PRP4K: variants seen among roughly 807,000 people sequenced by gnomAD.
PRP4K encodes the protein pre-mRNA processing factor kinase PRP4K.
At chr6:4,049,787 G>A in the PRP4K span, 1 of 1,613,722 alleles carries the variant, frequency 6.2e-7, no homozygotes, top group Non-Finnish European at 8.5e-7. Flanking sequence ...GCTACACTGG[G>A]CAAGGTGTAT....
the PRP4K span, among the ~76,000 whole-genome samples, chr6:4,033,479 T>G: frequency 6.6e-6 from 1 of 152,196 alleles, no homozygotes; most frequent in East Asian, 1.9e-4. Context: ...ATGTATATAA[T>G]TTACGTAGGA....
the PRP4K span, chr6:4,047,129 A>G: frequency 6.6e-7 from 1 of 1,517,422 alleles, no homozygotes; most frequent in Non-Finnish European, 9.1e-7. Flanking sequence ...TTTGTGTTTT[A>G]AATCATCTCT....
At chr6:4,045,672 T>C in the PRP4K span, among the ~76,000 whole-genome samples, 3 of 152,240 alleles carry the variant, frequency 2.0e-5, no homozygotes, top group Non-Finnish European at 2.9e-5. Context: ...AGATAGGTTA[T>C]CTTGAAACTT....
the PRP4K span, among the ~76,000 whole-genome samples, chr6:4,027,933 C>A: frequency 6.6e-6 from 1 of 152,112 alleles, no homozygotes; most frequent in Non-Finnish European, 1.5e-5. Flanking sequence ...AGATTTTATA[C>A]GCCTAAAGAT....
chr6:4,021,562 G>C, the PRP4K span: 1 of 1,511,698 alleles, frequency 6.6e-7, no homozygotes, highest in Non-Finnish European at 9.0e-7. Flanking sequence ...CTAACGGCGA[G>C]AGTCAAACTT....
chr6:4,037,560 C>G, the PRP4K span: 4 of 1,613,180 alleles, frequency 2.5e-6, no homozygotes, highest in Admixed American at 6.7e-5. Context: ...AAGCAGATCT[C>G]CTCGGAGAAG....
At chr6:4,038,458 T>C in the PRP4K span, among the ~76,000 whole-genome samples, 1 of 151,834 alleles carries the variant, frequency 6.6e-6, no homozygotes, top group Non-Finnish European at 1.5e-5. Context: ...GCTTTTTTTT[T>C]TTTGTATTTT....
the PRP4K span, chr6:4,021,454 G>T: frequency 6.3e-7 from 1 of 1,585,024 alleles, no homozygotes; most frequent in South Asian, 1.2e-5. Flanking sequence ...CAGTCGCTAC[G>T]GGAGCAGCCA....
At chr6:4,044,825 C>T in the PRP4K span, among the ~76,000 whole-genome samples, 1 of 151,048 alleles carries the variant, frequency 6.6e-6, no homozygotes, top group Non-Finnish European at 1.5e-5. Context: ...GAGGGCAGAA[C>T]CTGCCACAGA....
the PRP4K span, among the ~76,000 whole-genome samples, chr6:4,023,872 A>AT: frequency 0.7 from 101,873 of 146,320 alleles, 35,343 homozygotes; most frequent in East Asian, 0.77. Flanking sequence ...TGCCCAGCTA[A>AT]TTTTTTTTTT....
chr6:4,035,131 T>G, the PRP4K span, among the ~76,000 whole-genome samples: 1 of 151,558 alleles, frequency 6.6e-6, no homozygotes, highest in African/African-American at 2.4e-5. Flanking sequence ...TGTTTTGTTT[T>G]TTTGAGATGG....
chr6:4,033,791 C>T, the PRP4K span, among the ~76,000 whole-genome samples: 58 of 152,140 alleles, frequency 3.8e-4, no homozygotes, highest in African/African-American at 1.3e-3. Context: ...GTCTTAAGAG[C>T]GTCTTGATTC....
the PRP4K span, chr6:4,057,121 C>T: frequency 3.7e-6 from 6 of 1,613,370 alleles, no homozygotes; most frequent in Non-Finnish European, 5.1e-6. Flanking sequence ...AAATTTTATT[C>T]CCTGGCAAAA....
the PRP4K span, among the ~76,000 whole-genome samples, chr6:4,029,012 C>CTTTTTTTTTTTTTTTTTTTT: frequency 1.6e-4 from 21 of 132,558 alleles, 3 homozygotes; most frequent in South Asian, 2.3e-4. Flanking sequence ...TACTTGGAAT[C>CTTTTTTTTTTTTTTTTTTTT]TTTTTTTTTT....
chr6:4,061,743 T>C, the PRP4K span: 1 of 152,646 alleles, frequency 6.6e-6, no homozygotes, highest in Non-Finnish European at 1.5e-5. Flanking sequence ...AAATGAAGCT[T>C]TTCTTTAAGA....
At chr6:4,029,386 C>T in the PRP4K span, among the ~76,000 whole-genome samples, 2 of 147,098 alleles carry the variant, frequency 1.4e-5, no homozygotes, top group Non-Finnish European at 3.0e-5. Context: ...CTCTGTCACC[C>T]AGGCTGGAGT....
the PRP4K span, chr6:4,044,086 A>C: frequency 6.7e-7 from 1 of 1,493,418 alleles, no homozygotes; most frequent in Non-Finnish European, 9.3e-7. Context: ...CTTTATAATA[A>C]GAGACGTTAT....
At chr6:4,038,926 T>C in the PRP4K span, among the ~76,000 whole-genome samples, 5 of 151,136 alleles carry the variant, frequency 3.3e-5, no homozygotes, top group South Asian at 6.3e-4. Flanking sequence ...GTGCTTTTTT[T>C]TTTCTTTCTT....
At chr6:4,051,514 G>A in the PRP4K span, among the ~76,000 whole-genome samples, 1 of 151,662 alleles carries the variant, frequency 6.6e-6, no homozygotes, top group African/African-American at 2.4e-5. Context: ...ACAGGGTTTC[G>A]CTATGTTGAC....
Sources: allele counts gnomAD v4.1 joint callset (sites outside exome capture counted in the v4.1 genomes callset), GRCh38; gene constraint gnomAD v4.1.1; transcripts MANE v1.5; gene names NCBI Gene and HGNC (gene_info 2026-07-23, HGNC 2026-07-21).